The following ERI3 variants were observed in gnomAD, a reference collection of about 807,000 sequenced individuals.
ERI3 encodes the protein ERI1 exoribonuclease family member 3.
Under a neutral mutation model 44.4 loss-of-function variants are expected in ERI3, and 18 were observed. The ratio of observed to expected loss-of-function variants is 0.41; its 90% confidence interval spans 0.28 to 0.60. The LOEUF (loss-of-function observed/expected upper bound fraction) is 0.60, where lower values mean the gene tolerates loss of function less well. Ranked by LOEUF, ERI3 falls within the 20% of genes least tolerant of loss-of-function variation. The probability of loss-of-function intolerance (pLI) is 0.36; values close to 1 mark genes in which losing one functional copy is unlikely to be tolerated. For synonymous variants in ERI3, 183 were observed against 164.8 expected (o/e 1.11, Z -0.84); for missense variants, 294 against 435.5 (o/e 0.68, Z 2.89).
intron 3 of ERI3, among the ~76,000 whole-genome samples, chr1:44,335,210 G>C (rs1646507690): frequency 6.6e-6 from 1 of 151,982 alleles, no homozygotes; most frequent in African/African-American, 2.4e-5. Context: ...AGGCATGATG[G>C]AGCATACCCA....
At chr1:44,326,598 C>T (rs867641459) in intron 3 of ERI3, among the ~76,000 whole-genome samples, 2 of 152,104 alleles carry the variant, frequency 1.3e-5, no homozygotes, top group African/African-American at 2.4e-5. Context: ...AATTACCCGT[C>T]GATTTGTCCG....
intron 5 of ERI3, among the ~76,000 whole-genome samples, chr1:44,309,881 G>A (rs76436424): frequency 0.012 from 1,838 of 151,010 alleles, 69 homozygotes; most frequent in East Asian, 0.069. Context: ...ATTTTTTAAG[G>A]CTATCTCACA....
At chr1:44,287,266 T>A (rs1047100434) in intron 6 of ERI3, among the ~76,000 whole-genome samples, 1 of 151,870 alleles carries the variant, frequency 6.6e-6, no homozygotes, top group South Asian at 2.1e-4. Flanking sequence ...GTGGAAAGAG[T>A]GAGAGATAAG....
intron 2 of ERI3, among the ~76,000 whole-genome samples, chr1:44,350,938 T>C (rs1646877197): frequency 6.6e-6 from 1 of 152,054 alleles, no homozygotes; most frequent in Non-Finnish European, 1.5e-5. Flanking sequence ...AAAAATAAAA[T>C]GCTATCCACG....
chr1:44,347,879 TTGTG>T lies in ERI3; in HGVS notation c.211+4967_211+4970del, dbSNP rs113526509. ...TAAAGAAGAGCATGAGATTGTTTTG[TTGTG>T]TGTGTGTGTGTGTGTGTGTGTGTTT... On this transcript the variant is annotated intron_variant, in intron 2 of 8. Coordinates refer to ENST00000372257, the MANE Select transcript of ERI3 (RefSeq NM_024066.3). 7.4e-4 allele frequency among the ~76,000 whole-genome samples: 110 copies of T among 148,882 alleles called. No homozygotes were observed. The Middle Eastern group carries it at 0.014, about 19-fold the overall frequency.
Position 44,252,615 on chromosome 1 carries a change from A to G in ERI3, c.832-4577T>C, listed in dbSNP as rs1644704965. Among the ~76,000 whole-genome samples, 1 of 152,234 alleles carries G rather than the reference A, an allele frequency of 6.6e-6. No individual in the cohort carries two copies. The highest frequency in any genetic ancestry group is 6.5e-5 in the Admixed American group (1 of 15,288). Reference sequence around the variant, plus strand: ...CTCCATGCACTGTCAGTCCCATCACAAACACGGCGCCCGGCGGCTTATGGG... The same window carrying G: ...CTCCATGCACTGTCAGTCCCATCACGAACACGGCGCCCGGCGGCTTATGGG... On this transcript the variant is annotated intron_variant, in intron 7 of 8. Transcript: ENST00000372257. The surrounding 1 kb of genome is among the most constrained non-coding windows in gnomAD (Gnocchi z 4.7).
chr1:44,257,166 G>A (rs1480023898), intron 7 of ERI3, among the ~76,000 whole-genome samples: 1 of 152,104 alleles, frequency 6.6e-6, no homozygotes, highest in Non-Finnish European at 1.5e-5. Flanking sequence ...ACTGCATAAC[G>A]ATATAATGAT....
intron 8 of ERI3, among the ~76,000 whole-genome samples, chr1:44,236,998 T>C (rs1290884129): frequency 1.3e-5 from 2 of 152,182 alleles, no homozygotes; most frequent in Middle Eastern, 3.2e-3. Context: ...CTACTTGCTC[T>C]TCTTGCCCAC....
intron 6 of ERI3, among the ~76,000 whole-genome samples, chr1:44,305,608 A>T (rs1645816313): frequency 1.3e-5 from 2 of 152,362 alleles, no homozygotes; most frequent in Admixed American, 1.3e-4. Flanking sequence ...TGGCTTTGAC[A>T]AAAGATGGAC....
chr1:44,353,212 G>A (rs1320504468), intron 1 of ERI3: 1 of 985,086 alleles, frequency 1.0e-6, no homozygotes, highest in Non-Finnish European at 1.2e-6. Context: ...GGTAGTTTCA[G>A]AATCCTAGTC....
intron 6 of ERI3, among the ~76,000 whole-genome samples, chr1:44,296,901 C>T (rs1645622641): frequency 6.6e-6 from 1 of 152,168 alleles, no homozygotes. Context: ...TGTTTGAGTG[C>T]AGGCTGTGCC....
chr1:44,354,135 A>T, intron 1 of ERI3: 1 of 985,488 alleles, frequency 1.0e-6, no homozygotes, highest in Non-Finnish European at 1.2e-6. Flanking sequence ...AAACTCATTT[A>T]GCCACTCACA....
intron 3 of ERI3, among the ~76,000 whole-genome samples, chr1:44,338,549 G>A (rs1175300549): frequency 6.6e-6 from 1 of 152,150 alleles, no homozygotes; most frequent in Non-Finnish European, 1.5e-5. Context: ...AGAGCAAAGT[G>A]GACTGCAATA....
intron 6 of ERI3, among the ~76,000 whole-genome samples, chr1:44,301,281 C>T (rs1645720536): frequency 6.6e-6 from 1 of 152,154 alleles, no homozygotes; most frequent in South Asian, 2.1e-4. Flanking sequence ...CCTATACAAC[C>T]TTCAGAACCT....
At chr1:44,306,170 C>T (rs919364605) in intron 6 of ERI3, among the ~76,000 whole-genome samples, 1 of 152,250 alleles carries the variant, frequency 6.6e-6, no homozygotes, top group Non-Finnish European at 1.5e-5. Context: ...CCCCCAAGCC[C>T]TGCCACCTGC....
At chr1:44,274,623 CA>C (rs1645146392) in intron 7 of ERI3, among the ~76,000 whole-genome samples, 3 of 152,330 alleles carry the variant, frequency 2.0e-5, no homozygotes, top group South Asian at 4.1e-4. Flanking sequence ...CTCTGGACTA[CA>C]CTCCAAGAGC....
In ERI3 at chr1:44,318,439, A is replaced by G. The variant is rs187679368; in HGVS notation, c.606+1189T>C. ...AGTCAGATTAGCGCCCCCTGGTGGTATAGGTAAATCCCAGGGGAAAGGGGA... is the reference window on the plus strand; with the variant it reads ...AGTCAGATTAGCGCCCCCTGGTGGTGTAGGTAAATCCCAGGGGAAAGGGGA... On this transcript the variant is annotated intron_variant, in intron 4 of 8. Coordinates refer to ENST00000372257, the MANE Select transcript of ERI3 (RefSeq NM_024066.3). Among the ~76,000 whole-genome samples, 107 of 152,358 alleles carry G rather than the reference A, an allele frequency of 7.0e-4. 1 individual carries two copies. Among genetic ancestry groups the G allele is most frequent in the African/African-American group, 2.4e-3 (100 of 41,586 alleles).
chr1:44,331,635 T>C (rs1170732511), intron 3 of ERI3, among the ~76,000 whole-genome samples: 1 of 152,220 alleles, frequency 6.6e-6, no homozygotes. Flanking sequence ...ATAATCCAAC[T>C]AACTGAACAG....
At chr1:44,285,833 C>A (rs531256845) in intron 6 of ERI3, among the ~76,000 whole-genome samples, 8 of 152,312 alleles carry the variant, frequency 5.3e-5, no homozygotes, top group African/African-American at 1.9e-4. Flanking sequence ...GAAGTATCAG[C>A]CAGGAAAGAT....
Sources: gnomAD v4.1 joint callset for allele counts (sites outside exome capture counted in the v4.1 genomes callset) on GRCh38, gnomAD v4.1.1 for gene constraint, Gnocchi (gnomAD v3.1) non-coding constraint, MANE v1.5 for transcripts, NCBI Gene and HGNC (gene_info 2026-07-23, HGNC 2026-07-21) for gene names.